NDNF: variants seen among roughly 807,000 people sequenced by gnomAD.
NDNF encodes neuron derived neurotrophic factor.
Under a neutral mutation model 42.0 loss-of-function variants are expected in NDNF, and 16 were observed. The ratio of observed to expected loss-of-function variants is 0.38; its 90% CI spans 0.26 to 0.58. The LOEUF is 0.58. Ranked by LOEUF, NDNF falls within the 20% of genes least tolerant of loss-of-function variation. The pLI is 0.67. For missense variants in NDNF, 616 were observed against 666.2 expected (o/e 0.92, Z 0.83); for synonymous variants, 248 against 251.7 (o/e 0.99, Z 0.14).
At chr4:121,068,717 C>CAGAGAG in intron 1 of NDNF, among the ~76,000 whole-genome samples, 1 of 149,006 alleles carries the variant, frequency 6.7e-6, no homozygotes, top group South Asian at 2.1e-4. Context: ...AAAAGTGAGA[C>CAGAGAG]AGAGAGAGAG....
At position 121,060,350 on chromosome 4, in the gene NDNF, T is replaced by G. The variant is rs114179679; in HGVS notation, c.-2+11643A>C. On this transcript the variant is annotated intron_variant, in intron 1 of 3. Coordinates refer to ENST00000379692, the MANE Select transcript of NDNF (RefSeq NM_024574.4). Reference sequence around the variant, plus strand: ...CACGTGTCACCATGTCTAGCTAATTTTTTTAGTTTTGGTAGAGATGAGGTT... The same window carrying G: ...CACGTGTCACCATGTCTAGCTAATTGTTTTAGTTTTGGTAGAGATGAGGTT... Among the ~76,000 whole-genome samples the G allele has an allele frequency of 4.7e-3, 714 of 152,144 alleles. 9 individuals are homozygous for G. The highest frequency in any genetic ancestry group is 0.016 in the African/African-American group (671 of 41,490).
rs1478545231 is a variant in NDNF at position 121,035,958 on chromosome 4, TAATAA to T, written c.*301_*305del. On this transcript the variant is annotated 3_prime_UTR_variant, in exon 4 of 4. Transcript: ENST00000379692. ...GAATGGCATATTTTAAATTTTTAGG[TAATAA>T]AATAATTTAGAAGCAGTTCATGCAG... The T allele has an allele frequency of 8.2e-6, 2 of 244,014 alleles. No homozygotes were observed. The highest frequency in any genetic ancestry group is 7.9e-6 in the Non-Finnish European group (1 of 127,320). 15.1% of individuals were successfully genotyped at this position (244,014 alleles called of 1,614,324 possible).
Position 121,064,337 on chromosome 4 carries a change from A to T in NDNF, c.-2+7656T>A, listed in dbSNP as rs1043136615. On this transcript the variant is annotated intron_variant, in intron 1 of 3. Transcript: ENST00000379692. ...ACAAAGATATATTATTATTATTAAT[A>T]AATAGAATCATTTCTGCTTCCATTG... Among the ~76,000 whole-genome samples, 18 of 152,196 alleles carry T rather than the reference A, an allele frequency of 1.2e-4. 1 individual carries two copies. Among genetic ancestry groups the T allele is most frequent in the Admixed American group, 1.2e-3 (18 of 15,280 alleles).
chr4:121,048,921 T>TTC (rs994807069), intron 1 of NDNF, among the ~76,000 whole-genome samples: 1 of 152,228 alleles, frequency 6.6e-6, no homozygotes, highest in Non-Finnish European at 1.5e-5. Context: ...TCTAAGTTCT[T>TTC]TATATATATT....
In NDNF at chr4:121,072,167, G is replaced by GC. The variant is rs1727617352; in HGVS notation, c.-177_-176insG. 6.6e-6 allele frequency: 1 copy of GC among 152,422 alleles called. No individual in the cohort carries two copies. Among genetic ancestry groups the GC allele is most frequent in the Non-Finnish European group, 1.5e-5 (1 of 68,204 alleles). 9.4% of individuals were successfully genotyped at this position (152,422 alleles called of 1,614,324 possible). A position where few individuals can be genotyped will look rare whatever the true frequency, so the allele number is the denominator to read the frequency against. ...ATAAAAGAGAAAAATTCAATCCGCT[G>GC]AAGTGTCCCAACTTTGCGGTCGGCA... On this transcript the variant is annotated 5_prime_UTR_variant, in exon 1 of 4. Coordinates refer to ENST00000379692, the MANE Select transcript of NDNF (RefSeq NM_024574.4).
At chr4:121,038,510 C>T (rs143420856) in intron 3 of NDNF, among the ~76,000 whole-genome samples, 36 of 152,154 alleles carry the variant, frequency 2.4e-4, no homozygotes, top group Admixed American at 1.8e-3. Flanking sequence ...ATTTTGTTAC[C>T]GTAAGTATCA....
At chr4:121,039,208 A>AAAGAATATGTATGTG (rs1321895629) in intron 3 of NDNF, among the ~76,000 whole-genome samples, 2 of 93,792 alleles carry the variant, frequency 2.1e-5, no homozygotes, top group Non-Finnish European at 4.1e-5. Flanking sequence ...ATATATATAT[A>AAAGAATATGTATGTG]TATATATATA....
chr4:121,063,282 A>T (rs1331075602), intron 1 of NDNF, among the ~76,000 whole-genome samples: 3 of 152,208 alleles, frequency 2.0e-5, no homozygotes, highest in Non-Finnish European at 4.4e-5. Context: ...ATATGTTTCA[A>T]TATCATGGGT....
chr4:121,037,407 C>T lies in NDNF; in HGVS notation c.564G>A (p.Gly188=). The change falls in exon 4 of 4, where the codon GGG becomes GGA. Residue 188 remains glycine (G), a synonymous_variant. Coordinates refer to ENST00000379692, the MANE Select transcript of NDNF (RefSeq NM_024574.4). ...TCCAGGCCAAAGTGACCGTGGTGCG[C>T]CCCAGTGAGGTCACATCTACTCTTG... ...YDPRVDVTSL[G]RTTVTLAWKP... The T allele has an allele frequency of 6.2e-7, 1 of 1,614,122 alleles. No homozygotes were observed. The highest frequency in any genetic ancestry group is 1.1e-5 in the South Asian group (1 of 91,080).
chr4:121,063,798 T>G (rs964534245), intron 1 of NDNF, among the ~76,000 whole-genome samples: 2 of 152,146 alleles, frequency 1.3e-5, no homozygotes, highest in Non-Finnish European at 2.9e-5. Flanking sequence ...AGACTAACCT[T>G]CTAGAAGGAG....
intron 1 of NDNF, among the ~76,000 whole-genome samples, chr4:121,052,627 C>T (rs1727219258): frequency 6.6e-6 from 1 of 152,052 alleles, no homozygotes; most frequent in South Asian, 2.1e-4. Flanking sequence ...AAATATATAG[C>T]TTTAGTTAGG....
At chr4:121,046,477 A>G (rs1727095464) in intron 1 of NDNF, among the ~76,000 whole-genome samples, 1 of 152,210 alleles carries the variant, frequency 6.6e-6, no homozygotes, top group African/African-American at 2.4e-5. Flanking sequence ...TTTATAAATC[A>G]TAAACTTCAT....
chr4:121,041,938 G>A (rs946982076), intron 2 of NDNF, among the ~76,000 whole-genome samples: 6 of 152,206 alleles, frequency 3.9e-5, no homozygotes, highest in African/African-American at 1.4e-4. Flanking sequence ...AACAGGTGAG[G>A]TAGGCAGAGG....
intron 3 of NDNF, among the ~76,000 whole-genome samples, chr4:121,039,184 GTGTGTGTGTA>G (rs1233505422): frequency 1.7e-3 from 27 of 15,850 alleles, no homozygotes; most frequent in Non-Finnish European, 3.3e-3. Flanking sequence ...GACTATGTGT[GTGTGTGTGTA>G]TATATATATA....
chr4:121,053,610 T>G (rs903619643), intron 1 of NDNF, among the ~76,000 whole-genome samples: 1 of 152,156 alleles, frequency 6.6e-6, no homozygotes, highest in Non-Finnish European at 1.5e-5. Flanking sequence ...GGTTAGAAGA[T>G]ATGACAAAGT....
At chr4:121,054,957 G>A (rs1560607754) in intron 1 of NDNF, among the ~76,000 whole-genome samples, 1 of 152,054 alleles carries the variant, frequency 6.6e-6, no homozygotes, top group South Asian at 2.1e-4. Flanking sequence ...AGCCTTCTGA[G>A]TAGCTGGGAC....
intron 1 of NDNF, among the ~76,000 whole-genome samples, chr4:121,062,215 G>A (rs540622176): frequency 3.3e-5 from 5 of 152,262 alleles, no homozygotes; most frequent in African/African-American, 9.6e-5. Flanking sequence ...CCAAGATGTC[G>A]ATTTTAAAAA....
chr4:121,040,818 T>A (rs1311212298), intron 2 of NDNF, among the ~76,000 whole-genome samples: 1 of 152,092 alleles, frequency 6.6e-6, no homozygotes, highest in Admixed American at 6.5e-5. Flanking sequence ...AATTTTTAAA[T>A]TTTTTTGTAC....
rs370515779 is a variant in NDNF at position 121,055,808 on chromosome 4, T to TAC, written c.-1-9972_-1-9971dup. On this transcript the variant is annotated intron_variant, in intron 1 of 3. Coordinates refer to ENST00000379692, the MANE Select transcript of NDNF (RefSeq NM_024574.4). Reference sequence around the variant, plus strand: ...TAGAGAAAGGCAATACATACACACATACACACACACACACGCACCCCAGAA... The same window carrying TAC: ...TAGAGAAAGGCAATACATACACACATACACACACACACACACGCACCCCAGAA... 6.6e-3 allele frequency among the ~76,000 whole-genome samples: 994 copies of TAC among 150,794 alleles called. 15 individuals carry two copies. The highest frequency in any genetic ancestry group is 0.055 in the East Asian group (286 of 5,156).
Sources: gnomAD v4.1 joint callset for allele counts (sites outside exome capture counted in the v4.1 genomes callset) on GRCh38, gnomAD v4.1.1 for gene constraint, MANE v1.5 for transcripts, NCBI Gene and HGNC (gene_info 2026-07-23, HGNC 2026-07-21) for gene names.